The following SSH2 variants were observed in gnomAD, a reference collection of about 807,000 sequenced individuals.
SSH2 encodes the protein slingshot protein phosphatase 2.
Under a neutral mutation model 135.2 loss-of-function variants are expected in SSH2, and 37 were observed. The observed-to-expected ratio is 0.27, with a 90% CI of 0.21 to 0.36. The LOEUF (loss-of-function observed/expected upper bound fraction) is 0.36. SSH2 is among the 10% of genes least tolerant of loss of function. The pLI, the probability that SSH2 is intolerant of heterozygous loss-of-function variation, is 1.00. For synonymous variants in SSH2, 628 were observed against 646.2 expected (o/e 0.97, Z 0.43); for missense variants, 1,408 against 1,765.3 (o/e 0.80, Z 3.63).
At chr17:29,688,178 T>C (rs920511205) in intron 5 of SSH2, among the ~76,000 whole-genome samples, 1 of 151,940 alleles carries the variant, frequency 6.6e-6, no homozygotes, top group Non-Finnish European at 1.5e-5. Flanking sequence ...GCCTGGCTCA[T>C]TTTTGTGTTT....
chr17:29,915,972 CT>C (rs1372887767), intron 1 of SSH2, among the ~76,000 whole-genome samples: 3 of 114,704 alleles, frequency 2.6e-5, no homozygotes, highest in East Asian at 3.1e-4. Flanking sequence ...AATGCTATCC[CT>C]CCCCCCTCCC....
chr17:29,885,779 C>T (rs1378161930), intron 1 of SSH2, among the ~76,000 whole-genome samples: 1 of 152,130 alleles, frequency 6.6e-6, no homozygotes, highest in South Asian at 2.1e-4. Flanking sequence ...GCAAGTCTCA[C>T]GAGATCTGAT....
rs535075074 is a variant in SSH2, at chr17:29,641,954, T to A, written c.1428-5152A>T. 4.6e-3 allele frequency among the ~76,000 whole-genome samples: 671 copies of A among 147,308 alleles called. 7 individuals carry two copies. Among genetic ancestry groups the A allele is most frequent in the African/African-American group, 0.016 (633 of 38,640 alleles). ...GACATTGTCTTTTTTTTTTTTTTTTTTAAAAAAAGAGGGCCAGGAGTTATA... is the reference window on the plus strand; with the variant it reads ...GACATTGTCTTTTTTTTTTTTTTTTATAAAAAAAGAGGGCCAGGAGTTATA... On this transcript the variant is annotated intron_variant, in intron 14 of 15. Coordinates refer to ENST00000540801, the MANE Select transcript of SSH2 (RefSeq NM_001282129.2).
Position 29,630,593 on chromosome 17 carries a change from G to T in SSH2, c.*248C>A, listed in dbSNP as rs2035622746. The T allele has an allele frequency of 3.2e-6, 1 of 310,036 alleles. No individual in the cohort carries two copies. Among genetic ancestry groups the T allele is most frequent in the East Asian group, 5.3e-5 (1 of 18,776 alleles). 19.2% of individuals were successfully genotyped at this position (310,036 alleles called of 1,614,324 possible). ...TTTGATAAAGGTGTTCTCTGAAAAT[G>T]ACTTTTTTGAGGTTTGATTTTTTTA... On this transcript the variant is annotated 3_prime_UTR_variant, in exon 16 of 16. Transcript: ENST00000540801.
chr17:29,665,871 A>G (rs1314588996), intron 11 of SSH2, among the ~76,000 whole-genome samples: 2 of 152,210 alleles, frequency 1.3e-5, no homozygotes, highest in East Asian at 3.8e-4. Context: ...ATTTTTAGTC[A>G]CCAATTTTTT....
intron 1 of SSH2, among the ~76,000 whole-genome samples, chr17:29,859,027 C>A (rs1408233766): frequency 1.3e-5 from 2 of 152,192 alleles, no homozygotes; most frequent in African/African-American, 2.4e-5. Context: ...ACACATTGAT[C>A]TTTGACTTTC....
chr17:29,871,846 G>A (rs755361844), intron 1 of SSH2, among the ~76,000 whole-genome samples: 23 of 151,982 alleles, frequency 1.5e-4, no homozygotes, highest in Non-Finnish European at 2.8e-4. Flanking sequence ...CCTATTAGTC[G>A]ATTACAGAAT....
chr17:29,708,310 A>G (rs2039289562), intron 3 of SSH2, among the ~76,000 whole-genome samples: 2 of 152,190 alleles, frequency 1.3e-5, no homozygotes, highest in South Asian at 4.1e-4. Context: ...TGTTCTTGCT[A>G]GGCGTGGTGG....
chr17:29,645,896 CG>C (rs1451032586), intron 14 of SSH2: 1 of 152,104 alleles, frequency 6.6e-6, no homozygotes, highest in Non-Finnish European at 1.5e-5. Context: ...CACAATACTT[CG>C]GGGGCGGGAG....
chr17:29,672,210 A>G, intron 8 of SSH2, 81 bp from the exon 9 acceptor site: 1 of 1,034,796 alleles, frequency 9.7e-7, no homozygotes, highest in Non-Finnish European at 1.4e-6. Flanking sequence ...AAACTCTTCT[A>G]ATTTTTAAAT....
chr17:29,634,677 C>T (rs1484381159), intron 15 of SSH2, among the ~76,000 whole-genome samples: 3 of 151,984 alleles, frequency 2.0e-5, no homozygotes, highest in Non-Finnish European at 2.9e-5. Flanking sequence ...CTCAGCCTCC[C>T]AGGTAGCTGG....
chr17:29,918,387 A>G (rs1203335736), intron 1 of SSH2, among the ~76,000 whole-genome samples: 2 of 152,164 alleles, frequency 1.3e-5, no homozygotes, highest in East Asian at 1.9e-4. Flanking sequence ...TAATAGTACT[A>G]CTTCCAATGG....
At chr17:29,817,715 C>T (rs2042581920) in intron 2 of SSH2, among the ~76,000 whole-genome samples, 1 of 152,106 alleles carries the variant, frequency 6.6e-6, no homozygotes, top group Admixed American at 6.6e-5. Flanking sequence ...TGTAAAATGG[C>T]ATAATATTTG....
At chr17:29,843,869 T>C (rs1409056337) in intron 2 of SSH2, among the ~76,000 whole-genome samples, 1 of 152,098 alleles carries the variant, frequency 6.6e-6, no homozygotes, top group African/African-American at 2.4e-5. Context: ...ATTTTTCCAC[T>C]CCCCAAATGA....
At chr17:29,728,853 G>C (rs374111438) in intron 3 of SSH2, among the ~76,000 whole-genome samples, 1 of 152,208 alleles carries the variant, frequency 6.6e-6, no homozygotes, top group Non-Finnish European at 1.5e-5. Context: ...ATATGCAGAA[G>C]AGTGAAACTA....
chr17:29,776,815 G>T (rs1226340421), intron 3 of SSH2: 1 of 152,226 alleles, frequency 6.6e-6, no homozygotes, highest in Non-Finnish European at 1.5e-5. Flanking sequence ...CTTTTAAAAT[G>T]GATTAACTTT....
chr17:29,830,099 A>G (rs2042819067), intron 2 of SSH2, among the ~76,000 whole-genome samples: 1 of 152,130 alleles, frequency 6.6e-6, no homozygotes, highest in African/African-American at 2.4e-5. Flanking sequence ...TCGGCCTCCC[A>G]AAGTGCTGGG....
At chr17:29,677,585 G>A in intron 7 of SSH2, 88 bp downstream of exon 7, 3 of 1,084,560 alleles carry the variant, frequency 2.8e-6, no homozygotes, top group Middle Eastern at 2.0e-4. Flanking sequence ...TGGCACACTG[G>A]GCCTCCCTTT....
intron 3 of SSH2, among the ~76,000 whole-genome samples, chr17:29,778,365 C>T (rs751562928): frequency 7.9e-5 from 12 of 152,090 alleles, no homozygotes; most frequent in African/African-American, 2.4e-4. Context: ...CCTGGATGGG[C>T]GTGGTAGCTC....
Sources: allele counts gnomAD v4.1 joint callset (sites outside exome capture counted in the v4.1 genomes callset), GRCh38; gene constraint gnomAD v4.1.1; transcripts MANE v1.5; gene names NCBI Gene and HGNC (gene_info 2026-07-23, HGNC 2026-07-21).